The following LHFPL6 variants were observed in gnomAD, a reference collection of about 807,000 sequenced individuals.
The protein encoded by LHFPL6 is LHFPL tetraspan subfamily member 6 protein.
Under a neutral mutation model 20.6 loss-of-function variants are expected in LHFPL6, and 9 were observed. The observed-to-expected ratio is 0.44, with a 90% CI of 0.26 to 0.76. LHFPL6 has a LOEUF of 0.76. LHFPL6 is among the 30% of genes least tolerant of loss of function. LHFPL6 has a pLI of 0.20. For synonymous variants in LHFPL6, 105 were observed against 98.7 expected (o/e 1.06, Z -0.38); for missense variants, 218 against 253.5 (o/e 0.86, Z 0.95).
At chr13:39,547,468 C>G (rs1871017302) in intron 2 of LHFPL6, among the ~76,000 whole-genome samples, 2 of 152,144 alleles carry the variant, frequency 1.3e-5, no homozygotes. Context: ...TTGTGGTCTG[C>G]AGCCAGGTAA....
At chr13:39,589,948 T>C (rs1872551396) in intron 2 of LHFPL6, among the ~76,000 whole-genome samples, 1 of 152,206 alleles carries the variant, frequency 6.6e-6, no homozygotes, top group Admixed American at 6.5e-5. Flanking sequence ...ATTTCTATCA[T>C]ACCAGAAGCA....
At chr13:39,500,506 C>T (rs906594295) in intron 2 of LHFPL6, among the ~76,000 whole-genome samples, 1 of 152,256 alleles carries the variant, frequency 6.6e-6, no homozygotes, top group East Asian at 1.9e-4. Flanking sequence ...TCCCACCTCC[C>T]AGACTCCCAA....
intron 2 of LHFPL6, among the ~76,000 whole-genome samples, chr13:39,401,867 G>A (rs746305294): frequency 1.3e-5 from 2 of 152,148 alleles, no homozygotes; most frequent in Admixed American, 6.5e-5. Context: ...CCTTGGTCAC[G>A]ACAACCACTA....
intron 2 of LHFPL6, among the ~76,000 whole-genome samples, chr13:39,546,846 C>A (rs572468067): frequency 6.6e-6 from 1 of 152,146 alleles, no homozygotes; most frequent in South Asian, 2.1e-4. Context: ...CCAGTCATGT[C>A]ACTCTCAAAT....
intron 3 of LHFPL6, among the ~76,000 whole-genome samples, chr13:39,367,152 T>C (rs1478395381): frequency 2.0e-5 from 3 of 152,148 alleles, no homozygotes; most frequent in Admixed American, 6.5e-5. Context: ...GATTTTGAAT[T>C]AGAACTGGTG....
At chr13:39,560,555 C>A (rs1466683380) in intron 2 of LHFPL6, among the ~76,000 whole-genome samples, 1 of 138,284 alleles carries the variant, frequency 7.2e-6, no homozygotes, top group African/African-American at 2.7e-5. Context: ...CCCTCTGTCG[C>A]CCAGGCTGGA....
intron 2 of LHFPL6, among the ~76,000 whole-genome samples, chr13:39,398,117 A>G (rs1307498869): frequency 6.6e-6 from 1 of 152,160 alleles, no homozygotes; most frequent in East Asian, 1.9e-4. Context: ...CATGGCTGGG[A>G]CACATGGAGA....
intron 2 of LHFPL6, among the ~76,000 whole-genome samples, chr13:39,455,724 G>A (rs1872554264): frequency 6.6e-6 from 1 of 152,264 alleles, no homozygotes; most frequent in Non-Finnish European, 1.5e-5. Context: ...GCTGCGAAGC[G>A]ATTACTTCAT....
chr13:39,390,026 C>T (rs140394166), intron 2 of LHFPL6, among the ~76,000 whole-genome samples: 130 of 152,292 alleles, frequency 8.5e-4, no homozygotes, highest in African/African-American at 3.1e-3. Flanking sequence ...TCCCAACTAC[C>T]TTCATTCATT....
chr13:39,518,082 A>G (rs1390595431), intron 2 of LHFPL6, among the ~76,000 whole-genome samples: 1 of 152,164 alleles, frequency 6.6e-6, no homozygotes, highest in Non-Finnish European at 1.5e-5. Context: ...TGAAAATCTC[A>G]TCAGGTCACC....
chr13:39,529,168 T>C (rs1401996167), intron 2 of LHFPL6, among the ~76,000 whole-genome samples: 1 of 152,172 alleles, frequency 6.6e-6, no homozygotes, highest in African/African-American at 2.4e-5. Flanking sequence ...CTTGGCTCAC[T>C]GTAACCTCCA....
chr13:39,550,559 C>T lies in LHFPL6; in HGVS notation c.385+50273G>A, dbSNP rs369129615. Reference sequence around the variant, plus strand: ...ACTGTATTAGTGCACAATCATAATACCTTTGAATTCATGATGTCATTCCAT... The same window carrying T: ...ACTGTATTAGTGCACAATCATAATATCTTTGAATTCATGATGTCATTCCAT... On this transcript the variant is annotated intron_variant, in intron 2 of 3. Transcript: ENST00000379589. Among the ~76,000 whole-genome samples, 10 of 152,116 alleles carry T rather than the reference C, an allele frequency of 6.6e-5. No individual in the cohort carries two copies. The East Asian group carries it at 9.6e-4, about 15-fold the overall frequency.
At chr13:39,457,792 T>C (rs899845693) in intron 2 of LHFPL6, among the ~76,000 whole-genome samples, 4 of 152,180 alleles carry the variant, frequency 2.6e-5, no homozygotes, top group Non-Finnish European at 2.9e-5. Context: ...AATAGGTGAA[T>C]TGTATTGTAT....
At chr13:39,554,077 T>C (rs1245317709) in intron 2 of LHFPL6, among the ~76,000 whole-genome samples, 1 of 152,216 alleles carries the variant, frequency 6.6e-6, no homozygotes, top group Non-Finnish European at 1.5e-5. Flanking sequence ...TTTCATTCTA[T>C]AACTTTCTTT....
chr13:39,468,300 T>A (rs1461469412), intron 2 of LHFPL6, among the ~76,000 whole-genome samples: 2 of 152,230 alleles, frequency 1.3e-5, no homozygotes, highest in East Asian at 1.9e-4. Context: ...CATTTTTCTA[T>A]AATAGAAAAT....
At chr13:39,552,814 T>C (rs879866051) in intron 2 of LHFPL6, among the ~76,000 whole-genome samples, 1 of 152,212 alleles carries the variant, frequency 6.6e-6, no homozygotes, top group Non-Finnish European at 1.5e-5. Context: ...TTTAGCCAGT[T>C]TTTTTAATTT....
rs533440498 is a variant in LHFPL6 at position 39,480,325 on chromosome 13, C to G, written c.386-101799G>C. 5.9e-5 allele frequency among the ~76,000 whole-genome samples: 9 copies of G among 152,264 alleles called. No homozygotes were observed. In the South Asian group the frequency reaches 1.7e-3, roughly 28 times the overall value. On this transcript the variant is annotated intron_variant, in intron 2 of 3. Coordinates refer to ENST00000379589, the MANE Select transcript of LHFPL6 (RefSeq NM_005780.3). ...AAGATAGTTGAATTTGAATTTTATA[C>G]TAGCATCTTGATACAGAAGCATCTA...
rs117310098 is a variant in LHFPL6 at position 39,359,156 on chromosome 13, G to A, written c.485-15102C>T. Among the ~76,000 whole-genome samples, 1,035 of 152,278 alleles carry A rather than the reference G, an allele frequency of 6.8e-3. 4 individuals carry two copies. The highest frequency in any genetic ancestry group is 0.012 in the Non-Finnish European group (834 of 68,020). On this transcript the variant is annotated intron_variant, in intron 3 of 3. Transcript: ENST00000379589. ...AGCCTCGGTAACAGAGTGAGACTCT[G>A]TCTCCAAAACAAAACACCTAAAAAC...
At chr13:39,392,519 G>A (rs927815850) in intron 2 of LHFPL6, among the ~76,000 whole-genome samples, 2 of 152,126 alleles carry the variant, frequency 1.3e-5, no homozygotes, top group African/African-American at 4.8e-5. Flanking sequence ...GCTTGAACCT[G>A]GGAGGCAGAG....
Sources: gnomAD v4.1 joint callset for allele counts (sites outside exome capture counted in the v4.1 genomes callset) on GRCh38, gnomAD v4.1.1 for gene constraint, MANE v1.5 for transcripts, NCBI Gene and HGNC (gene_info 2026-07-23, HGNC 2026-07-21) for gene names.